POLD3: variants seen among roughly 807,000 people sequenced by gnomAD.
The protein encoded by POLD3 is DNA polymerase delta subunit 3.
In POLD3, 19 loss-of-function variants were observed where a neutral mutation model predicts 58.2. The ratio of observed to expected loss-of-function variants is 0.33; its 90% CI spans 0.23 to 0.48. The LOEUF (loss-of-function observed/expected upper bound fraction) is 0.48, where lower values mean the gene tolerates loss of function less well. Ranked by LOEUF, POLD3 falls within the 20% of genes least tolerant of loss-of-function variation. POLD3 has a pLI of 0.99. For synonymous variants in POLD3, 172 were observed against 193.5 expected, an observed-to-expected ratio of 0.89 and a Z score of 0.92; for missense variants, 504 against 545.5, an observed-to-expected ratio of 0.92 and a Z score of 0.76.
chr11:74,668,016 A>G (rs564470944), intron 4 of POLD3, among the ~76,000 whole-genome samples: 1 of 152,358 alleles, frequency 6.6e-6, no homozygotes, highest in South Asian at 2.1e-4. Context: ...TGTAAATCAA[A>G]ATCTCAATGA....
downstream of POLD3, among the ~76,000 whole-genome samples, chr11:74,646,252 T>C (rs201594217): frequency 1.3e-5 from 2 of 152,130 alleles, no homozygotes; most frequent in Non-Finnish European, 2.9e-5. Flanking sequence ...GGATTACAGG[T>C]GTGAGCCACC....
At chr11:74,607,240 T>TATATATATA (rs761011170) in intron 3 of POLD3, among the ~76,000 whole-genome samples, 41 of 61,916 alleles carry the variant, frequency 6.6e-4, no homozygotes, top group African/African-American at 3.1e-3. Flanking sequence ...ATTATTATTA[T>TATATATATA]TATATATTTA....
chr11:74,642,367 C>T lies in POLD3; in HGVS notation c.*1601C>T. 1.0e-6 allele frequency: 1 copy of T among 985,326 alleles called. No homozygotes were observed. The highest frequency in any genetic ancestry group is 1.2e-6 in the Non-Finnish European group (1 of 829,848). The allele number at this position is 985,326 out of a possible 1,614,324, so 61.0% of individuals were successfully genotyped here. A position where few individuals can be genotyped will look rare whatever the true frequency, so the allele number is the denominator to read the frequency against. ...GAAGGATGGAAAGCCTGGACTTAAA[C>T]CTTTAGAAAAAACTTCTGGAGAGAA... On this transcript the variant is annotated 3_prime_UTR_variant, in exon 12 of 12. Coordinates refer to ENST00000263681, the MANE Select transcript of POLD3 (RefSeq NM_006591.3).
intron 2 of POLD3, among the ~76,000 whole-genome samples, chr11:74,600,913 TTCTC>T (rs1452374844): frequency 6.6e-6 from 1 of 151,908 alleles, no homozygotes. Context: ...GAGACGAGGT[TTCTC>T]TATGTTGGTT....
At chr11:74,604,098 A>G (rs1019867425) in intron 2 of POLD3, among the ~76,000 whole-genome samples, 1 of 152,240 alleles carries the variant, frequency 6.6e-6, no homozygotes, top group Non-Finnish European at 1.5e-5. Flanking sequence ...TTGGAATTTC[A>G]GAGCTGGACA....
Position 74,620,035 on chromosome 11 carries a change from A to G in POLD3, c.679A>G (p.Lys227Glu), listed in dbSNP as rs1261787992. The change falls in exon 7 of 12, where the codon AAG becomes GAG. Residue 227 changes from lysine (K) to glutamate (E), a missense_variant. Coordinates refer to ENST00000263681, the MANE Select transcript of POLD3 (RefSeq NM_006591.3). ...EVTNASAAGN[K>E]APGKGNMMSN... Reference sequence around the variant, plus strand: ...CTTGTAGGCATCTGCAGCAGGCAACAAGGCACCAGGGAAAGGGAATATGAT... The same window carrying G: ...CTTGTAGGCATCTGCAGCAGGCAACGAGGCACCAGGGAAAGGGAATATGAT... 1.2e-6 allele frequency: 2 copies of G among 1,613,926 alleles called. No homozygotes were observed. The highest frequency in any genetic ancestry group is 2.2e-5 in the East Asian group (1 of 44,884).
Position 74,592,592 on chromosome 11 carries a change from C to T in POLD3, c.-67C>T, listed in dbSNP as rs1199286971. 1.9e-6 allele frequency: 3 copies of T among 1,595,020 alleles called. No homozygotes were observed. The highest frequency in any genetic ancestry group is 8.6e-7 in the Non-Finnish European group (1 of 1,167,330). ...GACCTGGGAGGGAGCAAAGACGTTT[C>T]CCGCCGGCGGGAGCTGTGGCTGTGA... On this transcript the variant is annotated 5_prime_UTR_variant, in exon 1 of 12. Coordinates refer to ENST00000263681, the MANE Select transcript of POLD3 (RefSeq NM_006591.3).
intron 3 of POLD3, among the ~76,000 whole-genome samples, chr11:74,607,421 C>G (rs1591294744): frequency 6.6e-6 from 1 of 150,516 alleles, no homozygotes; most frequent in African/African-American, 2.4e-5. Flanking sequence ...CGCCACCACG[C>G]CCGGCTAATT....
intron 4 of POLD3, among the ~76,000 whole-genome samples, chr11:74,668,248 T>C (rs1399954848): frequency 1.3e-5 from 2 of 152,170 alleles, no homozygotes; most frequent in Non-Finnish European, 2.9e-5. Context: ...CAGTAAAACA[T>C]ACATTCATAC....
intron 5 of POLD3, among the ~76,000 whole-genome samples, chr11:74,614,902 T>C (rs920836526): frequency 6.6e-6 from 1 of 151,920 alleles, no homozygotes; most frequent in Admixed American, 6.6e-5. Context: ...CAAATTGGGT[T>C]TTAGAGATGT....
At chr11:74,620,347 G>T (rs2032214759) in intron 7 of POLD3, among the ~76,000 whole-genome samples, 1 of 152,086 alleles carries the variant, frequency 6.6e-6, no homozygotes, top group African/African-American at 2.4e-5. Context: ...AAAAGATAAT[G>T]AACTATTTGC....
At chr11:74,608,321 A>G (rs2031767342) in intron 3 of POLD3, among the ~76,000 whole-genome samples, 2 of 151,994 alleles carry the variant, frequency 1.3e-5, no homozygotes, top group Admixed American at 6.6e-5. Flanking sequence ...AGGTCTCACT[A>G]TGTTGTCCAG....
rs140093067 is a variant in POLD3, at chr11:74,620,331, G to A, written c.733+242G>A. On this transcript the variant is annotated intron_variant, in intron 7 of 11. Coordinates refer to ENST00000263681, the MANE Select transcript of POLD3 (RefSeq NM_006591.3). ...TTTATTATTCCTGGTTTAACTTCCT[G>A]CCTTGAAAAGATAATGAACTATTTG... 9.5e-3 allele frequency among the ~76,000 whole-genome samples: 1,444 copies of A among 152,224 alleles called. 24 individuals carry two copies. Among genetic ancestry groups the A allele is most frequent in the African/African-American group, 0.033 (1,383 of 41,504 alleles).
At chr11:74,647,931 T>G (rs545493798), downstream of POLD3, among the ~76,000 whole-genome samples, 1 of 152,306 alleles carries the variant, frequency 6.6e-6, no homozygotes. Flanking sequence ...AAATTTTTGC[T>G]AGATATTTAA....
rs541119365 is a variant in POLD3, at chr11:74,637,413, GTTTT to G, written c.1198+1146_1198+1149del. ...CCTGTGAATTCTGGACTTTGAATGG[GTTTT>G]TTTTTTTCTTTTTCTTCCTTTTTTT... On this transcript the variant is annotated intron_variant, in intron 11 of 11. Transcript: ENST00000263681. Among the ~76,000 whole-genome samples, 3 of 120,550 alleles carry G rather than the reference GTTTT, an allele frequency of 2.5e-5. No homozygotes were observed. The Admixed American group carries it at 2.5e-4, about 10-fold the overall frequency. The allele number at this position is 120,550 out of a possible 152,430, so 79.1% of individuals were successfully genotyped here.
Position 74,641,811 on chromosome 11 carries a change from A to G in POLD3, c.*1045A>G, listed in dbSNP as rs1591322630. On this transcript the variant is annotated 3_prime_UTR_variant, in exon 12 of 12. Coordinates refer to ENST00000263681, the MANE Select transcript of POLD3 (RefSeq NM_006591.3). Reference sequence around the variant, plus strand: ...GCTCCTTTGTATTTTTAGCTTCCCTATTTGCTTAAAAGTACAGGCTCCCTA... The same window carrying G: ...GCTCCTTTGTATTTTTAGCTTCCCTGTTTGCTTAAAAGTACAGGCTCCCTA... The G allele has an allele frequency of 1.1e-5, 11 of 985,156 alleles. No individual in the cohort carries two copies. Among genetic ancestry groups the G allele is most frequent in the Non-Finnish European group, 1.2e-5 (10 of 829,672 alleles). 61.0% of individuals were successfully genotyped at this position (985,156 alleles called of 1,614,324 possible).
intron 9 of POLD3, among the ~76,000 whole-genome samples, chr11:74,633,328 C>T (rs796143052): frequency 3.3e-5 from 5 of 152,232 alleles, no homozygotes; most frequent in Admixed American, 1.3e-4. Flanking sequence ...ATAGCCGGAC[C>T]GCTTTCCTTT....
intron 2 of POLD3, chr11:74,595,165 CTTTTTTTTTT>C (rs201138024): frequency 1.9e-5 from 2 of 104,998 alleles, no homozygotes; most frequent in African/African-American, 3.3e-5. Flanking sequence ...TGGATGAACT[CTTTTTTTTTT>C]TTTTTTTTTT....
At chr11:74,601,167 C>T (rs2031482342) in intron 2 of POLD3, among the ~76,000 whole-genome samples, 1 of 152,196 alleles carries the variant, frequency 6.6e-6, no homozygotes, top group Admixed American at 6.5e-5. Flanking sequence ...AAAGATAGTG[C>T]ATTTGGCCAG....
Sources: gnomAD v4.1 joint callset for allele counts (sites outside exome capture counted in the v4.1 genomes callset) on GRCh38, gnomAD v4.1.1 for gene constraint, MANE v1.5 for transcripts, NCBI Gene and HGNC (gene_info 2026-07-23, HGNC 2026-07-21) for gene names.